NRG3: variants seen among roughly 807,000 people sequenced by gnomAD.
The protein encoded by NRG3 is pro-neuregulin-3, membrane-bound isoform.
NRG3 carries 31 observed loss-of-function variants against 66.9 expected under a neutral mutation model. That is an observed-to-expected ratio of 0.46 (90% CI 0.35 to 0.63). The LOEUF is 0.63. Among genes scored for constraint, NRG3 ranks in the 20% least tolerant of loss-of-function variants. The pLI, the probability that NRG3 is intolerant of heterozygous loss-of-function variation, is 0.00. For missense variants in NRG3, 910 were observed against 878.9 expected, an observed-to-expected ratio of 1.04 and a Z score of -0.45; for synonymous variants, 393 against 359.4, an observed-to-expected ratio of 1.09 and a Z score of -1.06.
At chr10:82,614,808 AAGGGTTTGTTATATAAAACAC>A (rs1445367751) in intron 2 of NRG3, among the ~76,000 whole-genome samples, 1 of 152,272 alleles carries the variant, frequency 6.6e-6, no homozygotes, top group Non-Finnish European at 1.5e-5. Flanking sequence ...AAACCCGTAG[AAGGGTTTGTTATATAAAACAC>A]AGGATATTAG....
At chr10:82,102,470 G>A (rs1388965474) in intron 1 of NRG3, among the ~76,000 whole-genome samples, 6 of 150,548 alleles carry the variant, frequency 4.0e-5, no homozygotes, top group Admixed American at 3.3e-4. Context: ...TTATTGACAT[G>A]GTTTTATTTA....
chr10:82,086,429 AC>A (rs2065729736), intron 1 of NRG3, among the ~76,000 whole-genome samples: 1 of 151,812 alleles, frequency 6.6e-6, no homozygotes, highest in Admixed American at 6.6e-5. Context: ...TAAAGACTGT[AC>A]TCCTCTCCTC....
intron 1 of NRG3, among the ~76,000 whole-genome samples, chr10:81,990,203 CTTT>C (rs2060687297): frequency 1.3e-5 from 2 of 152,060 alleles, no homozygotes; most frequent in Admixed American, 1.3e-4. Flanking sequence ...TTCCAAGCTT[CTTT>C]GTGACTTGAA....
intron 1 of NRG3, among the ~76,000 whole-genome samples, chr10:81,910,985 T>A (rs1010742976): frequency 2.0e-5 from 3 of 152,188 alleles, no homozygotes; most frequent in Admixed American, 6.5e-5. Context: ...AATTTTTCCA[T>A]AAGATTTCTC....
At chr10:82,634,550 T>A (rs541168974) in intron 2 of NRG3, among the ~76,000 whole-genome samples, 1 of 152,298 alleles carries the variant, frequency 6.6e-6, no homozygotes, top group South Asian at 2.1e-4. Context: ...TTTTTAGAGA[T>A]CTCATGAAAT....
At chr10:81,974,795 A>G (rs1479468125) in intron 1 of NRG3, among the ~76,000 whole-genome samples, 1 of 152,026 alleles carries the variant, frequency 6.6e-6, no homozygotes, top group East Asian at 1.9e-4. Context: ...ATGAGAACTA[A>G]CTCTAAGTTC....
chr10:81,892,971 A>T (rs1843168325), intron 1 of NRG3, among the ~76,000 whole-genome samples: 1 of 152,178 alleles, frequency 6.6e-6, no homozygotes, highest in South Asian at 2.1e-4. Context: ...AAAAATTAAA[A>T]ATTAAAAGAA....
chr10:82,753,146 C>A (rs999357043), intron 3 of NRG3, among the ~76,000 whole-genome samples: 4 of 152,126 alleles, frequency 2.6e-5, no homozygotes, highest in African/African-American at 9.7e-5. Context: ...GCCTCTTTGA[C>A]ATGACGGTTT....
chr10:82,881,618 C>A (rs962371587), intron 4 of NRG3, among the ~76,000 whole-genome samples: 3 of 152,316 alleles, frequency 2.0e-5, no homozygotes, highest in African/African-American at 4.8e-5. Context: ...AACACACACA[C>A]ACACTGAAGC....
intron 1 of NRG3, among the ~76,000 whole-genome samples, chr10:81,961,587 GTAACAA>G (rs1306825448): frequency 1.3e-5 from 2 of 152,136 alleles, no homozygotes; most frequent in African/African-American, 4.8e-5. Flanking sequence ...TAAACTTTAG[GTAACAA>G]TATAGAGATA....
rs191771367 is a variant in NRG3, at chr10:81,915,998, G to T, written c.823+39835G>T. On this transcript the variant is annotated intron_variant, in intron 1 of 8. Transcript: ENST00000372141. ...AAGAAATAGACAAATTAATTTTAAT[G>T]ATCTCACTTAACATATCTAAATTAT... Among the ~76,000 whole-genome samples, 16 of 152,194 alleles carry T rather than the reference G, an allele frequency of 1.1e-4. No individual in the cohort carries two copies. The East Asian group carries it at 3.1e-3, about 29-fold the overall frequency.
At chr10:82,296,484 T>G (rs2080070663) in intron 1 of NRG3, among the ~76,000 whole-genome samples, 1 of 152,128 alleles carries the variant, frequency 6.6e-6, no homozygotes, top group African/African-American at 2.4e-5. Context: ...ACACGAGTTT[T>G]TATTGGAGGA....
intron 1 of NRG3, among the ~76,000 whole-genome samples, chr10:81,972,502 T>C (rs2059967364): frequency 6.6e-6 from 1 of 152,182 alleles, no homozygotes; most frequent in Admixed American, 6.5e-5. Context: ...GAAAAAATAC[T>C]GTTTGAAATA....
chr10:82,620,205 G>A (rs964257667), intron 2 of NRG3, among the ~76,000 whole-genome samples: 4 of 152,188 alleles, frequency 2.6e-5, no homozygotes, highest in African/African-American at 4.8e-5. Context: ...AGCTCAGTGG[G>A]CCTCTTGCCT....
chr10:82,621,220 T>C (rs1249337799), intron 2 of NRG3, among the ~76,000 whole-genome samples: 4 of 152,214 alleles, frequency 2.6e-5, no homozygotes, highest in African/African-American at 9.7e-5. Flanking sequence ...GTTAAAATAC[T>C]TATTGACCAG....
At chr10:82,674,491 T>C (rs1565190286) in intron 2 of NRG3, among the ~76,000 whole-genome samples, 1 of 152,206 alleles carries the variant, frequency 6.6e-6, no homozygotes, top group Non-Finnish European at 1.5e-5. Context: ...TTTGCCTTTT[T>C]ACTGACACTT....
At chr10:82,139,509 C>G (rs753126174) in intron 1 of NRG3, among the ~76,000 whole-genome samples, 5 of 152,098 alleles carry the variant, frequency 3.3e-5, no homozygotes, top group Non-Finnish European at 2.9e-5. Flanking sequence ...ACTGAACTGA[C>G]TAGATACAAG....
chr10:82,300,636 A>G (rs1203063426), intron 1 of NRG3, among the ~76,000 whole-genome samples: 1 of 152,190 alleles, frequency 6.6e-6, no homozygotes, highest in African/African-American at 2.4e-5. Context: ...CGTCACCACA[A>G]ACATGAACTG....
chr10:82,031,365 T>G (rs1287469827), intron 1 of NRG3, among the ~76,000 whole-genome samples: 1 of 152,124 alleles, frequency 6.6e-6, no homozygotes, highest in Admixed American at 6.6e-5. Context: ...ACTTTACAAG[T>G]TAGCTATGCC....
Sources: allele counts gnomAD v4.1 joint callset (sites outside exome capture counted in the v4.1 genomes callset), GRCh38; gene constraint gnomAD v4.1.1; transcripts MANE v1.5; gene names NCBI Gene and HGNC (gene_info 2026-07-23, HGNC 2026-07-21).